APBA1: variants seen among roughly 807,000 people sequenced by gnomAD.
The protein encoded by APBA1 is amyloid beta precursor protein binding family A member 1, also known as amyloid-beta A4 precursor protein-binding family A member 1.
A neutral mutation model predicts 86.6 loss-of-function variants in APBA1; 55 were observed. The ratio of observed to expected loss-of-function variants is 0.64; its 90% CI spans 0.51 to 0.80. The LOEUF (loss-of-function observed/expected upper bound fraction) is 0.80. Among genes scored for constraint, APBA1 ranks in the 30% least tolerant of loss-of-function variants. APBA1 has a pLI of 0.00. For missense variants in APBA1, 1,090 were observed against 1,183.0 expected (o/e 0.92, Z 1.15); for synonymous variants, 511 against 493.9 (o/e 1.03, Z -0.46).
At chr9:69,546,088 C>G (rs1355169362) in intron 1 of APBA1, among the ~76,000 whole-genome samples, 2 of 152,148 alleles carry the variant, frequency 1.3e-5, no homozygotes, top group African/African-American at 4.8e-5. Context: ...ACTGAGAATT[C>G]TTCAGTCCTT....
intron 1 of APBA1, among the ~76,000 whole-genome samples, chr9:69,594,735 C>T (rs1822196629): frequency 6.6e-6 from 1 of 152,124 alleles, no homozygotes; most frequent in Non-Finnish European, 1.5e-5. Flanking sequence ...GAGTTCTGAA[C>T]TACTTTCCAT....
chr9:69,614,677 A>G (rs1243554545), intron 1 of APBA1, among the ~76,000 whole-genome samples: 1 of 152,222 alleles, frequency 6.6e-6, no homozygotes, highest in African/African-American at 2.4e-5. Context: ...ACTAACAAAT[A>G]TTCTTAAATA....
At chr9:69,577,341 G>A (rs1478792578) in intron 1 of APBA1, among the ~76,000 whole-genome samples, 1 of 152,170 alleles carries the variant, frequency 6.6e-6, no homozygotes, top group Non-Finnish European at 1.5e-5. Context: ...CAACAGCTGT[G>A]ATGGTGACAT....
rs546695430 is a variant in APBA1, at chr9:69,635,991, A to C, written c.-70+36162T>G. ...AGGAGACAAGCCACAGAATGAGGGA[A>C]AATATTTGCAAACTACCCATATGAT... is the stretch of plus-strand genomic sequence containing the variant. On this transcript the variant is annotated intron_variant, in intron 1 of 12. Coordinates refer to ENST00000265381, the MANE Select transcript of APBA1 (RefSeq NM_001163.4). Among the ~76,000 whole-genome samples, 3 of 152,352 alleles carry C rather than the reference A, an allele frequency of 2.0e-5. No individual in the cohort carries two copies. The East Asian group carries it at 5.8e-4, about 29-fold the overall frequency.
chr9:69,588,954 T>G (rs941160760), intron 1 of APBA1, among the ~76,000 whole-genome samples: 1 of 151,934 alleles, frequency 6.6e-6, no homozygotes, highest in African/African-American at 2.4e-5. Flanking sequence ...TATCTTCTCA[T>G]GCTTTTTTGT....
rs556751312 is a variant in APBA1 at position 69,439,488 on chromosome 9, T to G, written c.2301+1508A>C. 2.6e-5 allele frequency among the ~76,000 whole-genome samples: 4 copies of G among 152,348 alleles called. No homozygotes were observed. In the South Asian group the frequency reaches 8.3e-4, roughly 32 times the overall value. On this transcript the variant is annotated intron_variant, in intron 11 of 12. Transcript: ENST00000265381. ...GGCTTTGTTCCTATCTATCTATCTT[T>G]TTATTCTTTTTTCTCTAAAATCCTC...
At chr9:69,431,426 G>A in intron 12 of APBA1, 28 bp from the exon 13 acceptor site, 1 of 1,605,296 alleles carries the variant, frequency 6.2e-7, no homozygotes, top group South Asian at 1.1e-5. Context: ...ACTTTAGTGG[G>A]GGGCTGAGGC....
At position 69,498,163 on chromosome 9, in the gene APBA1, G is replaced by T. The variant is rs145672736; in HGVS notation, c.1200+17848C>A. ...CTGTGACTGGGTTACAAAAAACCAT[G>T]ACTTCCATCTTGCTACCAGACTCCA... On this transcript the variant is annotated intron_variant, in intron 2 of 12. Coordinates refer to ENST00000265381, the MANE Select transcript of APBA1 (RefSeq NM_001163.4). 3.9e-4 allele frequency among the ~76,000 whole-genome samples: 60 copies of T among 152,216 alleles called. 1 individual carries two copies. The East Asian group carries it at 9.1e-3, about 23-fold the overall frequency.
chr9:69,482,879 A>C (rs1340509842), intron 2 of APBA1, among the ~76,000 whole-genome samples: 1 of 150,534 alleles, frequency 6.6e-6, no homozygotes, highest in East Asian at 2.0e-4. Context: ...CAAGAACAAA[A>C]AACACCGCAT....
At chr9:69,624,105 C>G (rs1405934568) in intron 1 of APBA1, among the ~76,000 whole-genome samples, 1 of 152,060 alleles carries the variant, frequency 6.6e-6, no homozygotes, top group African/African-American at 2.4e-5. Context: ...AAAAAGTTCC[C>G]AGAGGTTCAG....
chr9:69,633,429 A>T (rs1823090805), intron 1 of APBA1, among the ~76,000 whole-genome samples: 1 of 152,216 alleles, frequency 6.6e-6, no homozygotes, highest in Non-Finnish European at 1.5e-5. Context: ...CAGTTGAGCC[A>T]GAAGGCTGAG....
intron 3 of APBA1, among the ~76,000 whole-genome samples, chr9:69,473,117 G>A (rs1258767524): frequency 1.3e-5 from 2 of 152,164 alleles, no homozygotes; most frequent in East Asian, 3.9e-4. Context: ...AAAAGTTACT[G>A]GCTAGTAATG....
At chr9:69,659,511 C>T (rs1823709507) in intron 1 of APBA1, among the ~76,000 whole-genome samples, 1 of 152,168 alleles carries the variant, frequency 6.6e-6, no homozygotes, top group Non-Finnish European at 1.5e-5. Flanking sequence ...TCTAAGCCTG[C>T]CCTCTCCACA....
intron 2 of APBA1, among the ~76,000 whole-genome samples, chr9:69,485,214 G>T (rs1163241395): frequency 6.6e-6 from 1 of 152,044 alleles, no homozygotes; most frequent in Admixed American, 6.5e-5. Context: ...CCCCAAATGA[G>T]AGAGGACCCT....
chr9:69,456,950 G>A (rs768757486), intron 7 of APBA1, 103 bp downstream of exon 7: 5 of 966,426 alleles, frequency 5.2e-6, no homozygotes, highest in Non-Finnish European at 8.1e-6. Flanking sequence ...CAGAATCTAG[G>A]GACAGCTGCT....
intron 1 of APBA1, among the ~76,000 whole-genome samples, chr9:69,660,287 A>G (rs564572429): frequency 3.3e-5 from 5 of 152,302 alleles, no homozygotes; most frequent in African/African-American, 4.8e-5. Flanking sequence ...AGTACATTCT[A>G]TGAGGTCCTC....
At chr9:69,521,369 T>C (rs1836249208) in intron 1 of APBA1, among the ~76,000 whole-genome samples, 1 of 152,186 alleles carries the variant, frequency 6.6e-6, no homozygotes, top group African/African-American at 2.4e-5. Context: ...TATTTTAACC[T>C]ATAACTTTTC....
intron 1 of APBA1, among the ~76,000 whole-genome samples, chr9:69,568,723 T>A (rs918776660): frequency 6.6e-6 from 1 of 152,238 alleles, no homozygotes; most frequent in African/African-American, 2.4e-5. Context: ...GAAAGGGAAC[T>A]GCCATTTAAC....
At chr9:69,534,494 TCCTGGATC>T (rs1287526834) in intron 1 of APBA1, among the ~76,000 whole-genome samples, 2 of 152,030 alleles carry the variant, frequency 1.3e-5, no homozygotes, top group Admixed American at 6.6e-5. Flanking sequence ...GAAGGAAGTA[TCCTGGATC>T]CCTGAATCAA....
Sources: gnomAD v4.1 joint callset for allele counts (sites outside exome capture counted in the v4.1 genomes callset) on GRCh38, gnomAD v4.1.1 for gene constraint, MANE v1.5 for transcripts, NCBI Gene and HGNC (gene_info 2026-07-23, HGNC 2026-07-21) for gene names.